The following CS variants were observed in gnomAD, a reference collection of about 807,000 sequenced individuals.
The protein encoded by CS is citrate synthase, mitochondrial.
Under a neutral mutation model 61.4 loss-of-function variants are expected in CS, and 13 were observed. That is an observed-to-expected ratio of 0.21 (90% CI 0.14 to 0.34). The LOEUF (loss-of-function observed/expected upper bound fraction) is 0.34, where lower values mean the gene tolerates loss of function less well. Ranked by LOEUF, CS falls within the 10% of genes least tolerant of loss-of-function variation. CS has a pLI of 1.00. For synonymous variants in CS, 159 were observed against 215.2 expected (o/e 0.74, Z 2.29); for missense variants, 278 against 573.4 (o/e 0.48, Z 5.26).
At chr12:56,293,670 C>T (rs989620484) in intron 1 of CS, among the ~76,000 whole-genome samples, 12 of 152,104 alleles carry the variant, frequency 7.9e-5, no homozygotes, top group African/African-American at 2.4e-4. Flanking sequence ...GCTGAGATTG[C>T]GCCATTGCAC....
chr12:56,286,910 A>C, intron 1 of CS, among the ~76,000 whole-genome samples: 1 of 152,208 alleles, frequency 6.6e-6, no homozygotes, highest in East Asian at 1.9e-4. Context: ...GCTCCAGAGC[A>C]GGGCGGTTAT....
intron 3 of CS, among the ~76,000 whole-genome samples, chr12:56,284,603 T>A (rs1312723293): frequency 6.7e-6 from 1 of 149,732 alleles, no homozygotes; most frequent in Admixed American, 6.6e-5. Flanking sequence ...TTTTTTTTTT[T>A]AAAGAAATGG....
At chr12:56,300,083 G>A (rs1873438885) in intron 1 of CS, 77 bp downstream of exon 1, 1 of 1,445,758 alleles carries the variant, frequency 6.9e-7, no homozygotes, top group South Asian at 1.2e-5. Context: ...GTGTGGGAGG[G>A]AGACCCCGGC....
At chr12:56,299,183 C>T (rs1344855705) in intron 1 of CS, among the ~76,000 whole-genome samples, 1 of 152,114 alleles carries the variant, frequency 6.6e-6, no homozygotes, top group Non-Finnish European at 1.5e-5. Flanking sequence ...CTGTCCCCTG[C>T]TTGGATTAGA....
intron 1 of CS, among the ~76,000 whole-genome samples, chr12:56,290,018 C>T (rs575160032): frequency 3.6e-4 from 54 of 151,244 alleles, no homozygotes; most frequent in African/African-American, 1.2e-3. Context: ...CTCAGCCTCG[C>T]GAGTAGCCAG....
chr12:56,289,999 T>G (rs1006552586), intron 1 of CS, among the ~76,000 whole-genome samples: 1 of 151,994 alleles, frequency 6.6e-6, no homozygotes. Context: ...GTTCAAGCGA[T>G]TCTCCTGCCT....
At chr12:56,279,098 G>A (rs1195749586) in intron 6 of CS, among the ~76,000 whole-genome samples, 1 of 152,086 alleles carries the variant, frequency 6.6e-6, no homozygotes, top group Non-Finnish European at 1.5e-5. Context: ...TGATCTGTCA[G>A]CTACTTCACA....
intron 6 of CS, among the ~76,000 whole-genome samples, chr12:56,278,948 A>G (rs1386883965): frequency 6.6e-6 from 1 of 151,612 alleles, no homozygotes; most frequent in African/African-American, 2.4e-5. Flanking sequence ...TAATTTTTGT[A>G]TTATTTTGTA....
In CS at chr12:56,282,600, C is replaced by A. The variant is rs1872807698; in HGVS notation, c.408G>T (p.Trp136Cys). The A allele has an allele frequency of 6.2e-7, 1 of 1,602,452 alleles. No individual in the cohort carries two copies. The change falls in exon 6 of 11, where the codon TGG (tryptophan) becomes TGT (cysteine). Residue 136 changes from tryptophan (W) to cysteine (C), a missense_variant. Trp to Cys is a radical substitution (Grantham distance 215). Around this residue, in one of 2 missense-constraint regions of CS, gnomAD observed 223 missense variants for 503.5 expected, o/e 0.44. Coordinates refer to ENST00000351328, the MANE Select transcript of CS (RefSeq NM_004077.3). ...GHIPTEEQVS[W>C]LSKEWAKRAA... The stretch of plus-strand genomic sequence containing the variant: ...CCCTCTTTGCCCACTCTTTTGAGAG[C>A]CAAGATACCTGTGGAAAAAGAGACA...
At position 56,275,721 on chromosome 12, in the gene CS, T is replaced by A. The variant is rs145463329; in HGVS notation, c.788+275A>T. On this transcript the variant is annotated intron_variant, in intron 7 of 10. Transcript: ENST00000351328. The stretch of plus-strand genomic sequence containing the variant: ...ATAGCAATGGCCCCAAAGAGCGAGC[T>A]CCTGGAAAGCTGAAGGACCATCTAA... 121 of 485,982 alleles carry A rather than the reference T, an allele frequency of 2.5e-4. No individual in the cohort carries two copies. In the Middle Eastern group the frequency reaches 3.4e-3, roughly 14 times the overall value. The allele number at this position is 485,982 out of a possible 1,614,324, so 30.1% of individuals were successfully genotyped here.
chr12:56,294,744 T>C (rs1873242487), intron 1 of CS, among the ~76,000 whole-genome samples: 1 of 151,242 alleles, frequency 6.6e-6, no homozygotes, highest in Non-Finnish European at 1.5e-5. Context: ...GAATCACAAG[T>C]ATTAAACTTT....
At chr12:56,287,604 ATTG>A (rs1401328941) in intron 1 of CS, among the ~76,000 whole-genome samples, 3 of 149,180 alleles carry the variant, frequency 2.0e-5, no homozygotes, top group Non-Finnish European at 1.5e-5. Context: ...CTGTGAGAAG[ATTG>A]TTAAGTTGCA....
At chr12:56,276,730 G>A (rs903872420) in intron 6 of CS, among the ~76,000 whole-genome samples, 6 of 152,060 alleles carry the variant, frequency 3.9e-5, no homozygotes, top group Admixed American at 6.5e-5. Flanking sequence ...TAGTAGAGAC[G>A]GGGTTTCTCC....
intron 2 of CS, 41 bp from the exon 3 acceptor site, chr12:56,286,064 TTTA>T (rs1307298721): frequency 1.3e-6 from 2 of 1,522,736 alleles, no homozygotes; most frequent in East Asian, 4.5e-5. Flanking sequence ...GGTCTAAAAG[TTTA>T]TTAGATTTCC....
intron 6 of CS, among the ~76,000 whole-genome samples, chr12:56,280,748 A>G (rs1353840351): frequency 6.6e-6 from 1 of 152,188 alleles, no homozygotes; most frequent in African/African-American, 2.4e-5. Flanking sequence ...GAAAAACAAA[A>G]TATTAAGATT....
chr12:56,279,871 G>A (rs950152784), intron 6 of CS, among the ~76,000 whole-genome samples: 1 of 152,042 alleles, frequency 6.6e-6, no homozygotes, highest in Non-Finnish European at 1.5e-5. Flanking sequence ...GGGAGGCTGA[G>A]GCAGGAGAAT....
intron 9 of CS, 130 bp from the exon 10 acceptor site, chr12:56,273,926 C>G (rs1872568811): frequency 2.7e-6 from 2 of 728,766 alleles, no homozygotes; most frequent in South Asian, 1.7e-5. Context: ...CTCGACCTCC[C>G]AGGCTCAGGC....
At chr12:56,289,970 T>A (rs1873065562) in intron 1 of CS, among the ~76,000 whole-genome samples, 1 of 152,002 alleles carries the variant, frequency 6.6e-6, no homozygotes, top group Non-Finnish European at 1.5e-5. Flanking sequence ...CTTGGCTCAC[T>A]GCAACCTCCG....
intron 2 of CS, chr12:56,286,335 G>GTTATGTA (rs1872938233): frequency 1.9e-6 from 1 of 534,286 alleles, no homozygotes; most frequent in South Asian, 2.7e-5. Flanking sequence ...TAAATTTTAT[G>GTTATGTA]TTATGTATAT....
Sources: allele counts gnomAD v4.1 joint callset (sites outside exome capture counted in the v4.1 genomes callset), GRCh38; gene constraint gnomAD v4.1.1; regional missense constraint gnomAD v4.1.1; transcripts MANE v1.5; gene names NCBI Gene and HGNC (gene_info 2026-07-23, HGNC 2026-07-21).